The following TMEM108 variants were observed in gnomAD, a reference collection of about 807,000 sequenced individuals.
TMEM108 encodes transmembrane protein 108, also known as cancer/testis antigen 124.
A neutral mutation model predicts 35.1 loss-of-function variants in TMEM108; 12 were observed. The ratio of observed to expected loss-of-function variants is 0.34; its 90% CI spans 0.22 to 0.55. The LOEUF (loss-of-function observed/expected upper bound fraction) is 0.55, where lower values mean the gene tolerates loss of function less well. Ranked by LOEUF, TMEM108 falls within the 20% of genes least tolerant of loss-of-function variation. The pLI is 0.89. For missense variants in TMEM108, 680 were observed against 753.3 expected, an observed-to-expected ratio of 0.90 and a Z score of 1.14; for synonymous variants, 287 against 308.6, an observed-to-expected ratio of 0.93 and a Z score of 0.73.
chr3:133,388,460 A>G (rs2073186862), intron 4 of TMEM108: 2 of 985,300 alleles, frequency 2.0e-6, no homozygotes, highest in Admixed American at 6.2e-5. Flanking sequence ...CTCTTCAACC[A>G]TCTGAAGAAA....
intron 2 of TMEM108, among the ~76,000 whole-genome samples, chr3:133,095,932 G>A (rs1201083266): frequency 3.9e-5 from 6 of 152,200 alleles, no homozygotes; most frequent in Non-Finnish European, 8.8e-5. Flanking sequence ...AAAGTTGACA[G>A]CTGCCATCTC....
intron 3 of TMEM108, among the ~76,000 whole-genome samples, chr3:133,328,691 G>A (rs894466334): frequency 2.0e-5 from 3 of 152,196 alleles, no homozygotes; most frequent in Admixed American, 2.0e-4. Flanking sequence ...ATCTCATGCT[G>A]TCAGACTGTC....
At chr3:133,155,675 TA>T (rs1944870659) in intron 2 of TMEM108, among the ~76,000 whole-genome samples, 1 of 152,220 alleles carries the variant, frequency 6.6e-6, no homozygotes, top group African/African-American at 2.4e-5. Context: ...GGCCTGTTCA[TA>T]TCCTTTGCCT....
At chr3:133,389,688 AAAAAAAAAAAAAG>A in intron 4 of TMEM108, 1 of 135,706 alleles carries the variant, frequency 7.4e-6, no homozygotes, top group Non-Finnish European at 1.5e-5. Flanking sequence ...TCCATCAAAA[AAAAAAAAAAAAAG>A]AAAAAAAAAA....
At chr3:133,362,941 T>C (rs994861765) in intron 3 of TMEM108, among the ~76,000 whole-genome samples, 1 of 152,126 alleles carries the variant, frequency 6.6e-6, no homozygotes, top group Non-Finnish European at 1.5e-5. Flanking sequence ...ATTAAAAAGG[T>C]GCAGAGGGCA....
intron 2 of TMEM108, among the ~76,000 whole-genome samples, chr3:133,108,324 G>A (rs1944183078): frequency 1.3e-5 from 2 of 152,102 alleles, no homozygotes; most frequent in African/African-American, 4.8e-5. Flanking sequence ...ACTGGTGTGA[G>A]ATGGTATCTC....
intron 1 of TMEM108, among the ~76,000 whole-genome samples, chr3:133,042,409 A>G (rs564382191): frequency 1.3e-5 from 2 of 152,322 alleles, no homozygotes; most frequent in South Asian, 4.1e-4. Context: ...CATTAATGCC[A>G]TCTTATTATG....
intron 2 of TMEM108, among the ~76,000 whole-genome samples, chr3:133,114,962 A>G (rs1267083120): frequency 2.0e-5 from 3 of 152,288 alleles, no homozygotes; most frequent in Middle Eastern, 3.4e-3. Flanking sequence ...CCCCAGAATC[A>G]ATCATTCTGT....
chr3:133,228,080 A>G (rs994193454), intron 2 of TMEM108, among the ~76,000 whole-genome samples: 2 of 152,132 alleles, frequency 1.3e-5, no homozygotes, highest in African/African-American at 4.8e-5. Context: ...GAGTGATGAA[A>G]ACATTCTGGA....
chr3:133,339,022 G>C (rs1442136708), intron 3 of TMEM108, among the ~76,000 whole-genome samples: 1 of 151,568 alleles, frequency 6.6e-6, no homozygotes, highest in Middle Eastern at 3.4e-3. Context: ...CCAAAGAACA[G>C]AACACAGGAA....
chr3:133,100,391 T>G (rs562695464), intron 2 of TMEM108, among the ~76,000 whole-genome samples: 1 of 152,174 alleles, frequency 6.6e-6, no homozygotes, highest in South Asian at 2.1e-4. Context: ...CTTGAGCCCA[T>G]GAATTTGAGA....
chr3:133,070,861 T>C (rs1943668191), intron 2 of TMEM108, among the ~76,000 whole-genome samples: 1 of 151,920 alleles, frequency 6.6e-6, no homozygotes, highest in Non-Finnish European at 1.5e-5. Flanking sequence ...ATGAGGGTGC[T>C]AGGGTACTGC....
At chr3:133,228,759 A>G (rs554778329) in intron 2 of TMEM108, among the ~76,000 whole-genome samples, 92 of 152,196 alleles carry the variant, frequency 6.0e-4, no homozygotes, top group South Asian at 1.5e-3. Context: ...TTTTATCTGT[A>G]TTTTCTGTTT....
At chr3:133,150,603 T>C (rs1944785691) in intron 2 of TMEM108, among the ~76,000 whole-genome samples, 1 of 152,124 alleles carries the variant, frequency 6.6e-6, no homozygotes, top group South Asian at 2.1e-4. Flanking sequence ...TAACCTGTAT[T>C]CATCTACTTG....
At chr3:133,270,807 A>ACACACACACTCACACACT (rs1946760014) in intron 3 of TMEM108, among the ~76,000 whole-genome samples, 1 of 151,182 alleles carries the variant, frequency 6.6e-6, no homozygotes, top group Non-Finnish European at 1.5e-5. Context: ...ACACACACAC[A>ACACACACACTCACACACT]CACACACACA....
chr3:133,383,372 C>A (rs2073063093), intron 4 of TMEM108, among the ~76,000 whole-genome samples: 1 of 152,202 alleles, frequency 6.6e-6, no homozygotes, highest in Non-Finnish European at 1.5e-5. Flanking sequence ...ACCCAAGGTC[C>A]TGACCACACA....
chr3:133,282,816 G>T (rs1404681078), intron 3 of TMEM108, among the ~76,000 whole-genome samples: 1 of 152,112 alleles, frequency 6.6e-6, no homozygotes, highest in East Asian at 1.9e-4. Flanking sequence ...TGCTCATAAA[G>T]AAAGAAATTA....
intron 3 of TMEM108, among the ~76,000 whole-genome samples, chr3:133,232,450 T>C (rs1411909139): frequency 6.6e-6 from 1 of 152,172 alleles, no homozygotes; most frequent in African/African-American, 2.4e-5. Context: ...GAGGCCCTTA[T>C]CAGATGCAGA....
chr3:133,378,547 G>A, intron 3 of TMEM108: 1 of 985,464 alleles, frequency 1.0e-6, no homozygotes, highest in Non-Finnish European at 1.2e-6. Flanking sequence ...GAACAAGGAG[G>A]TGCTAACAGG....
Sources: allele counts gnomAD v4.1 joint callset (sites outside exome capture counted in the v4.1 genomes callset), GRCh38; gene constraint gnomAD v4.1.1; transcripts MANE v1.5; gene names NCBI Gene and HGNC (gene_info 2026-07-23, HGNC 2026-07-21).